FSIP1: variants seen among roughly 807,000 people sequenced by gnomAD.
FSIP1 encodes the protein fibrous sheath-interacting protein 1.
FSIP1 carries 65 observed loss-of-function variants against 60.9 expected under a neutral mutation model. That is an observed-to-expected ratio of 1.07 (90% confidence interval 0.87 to 1.31). FSIP1 has a LOEUF of 1.31. FSIP1 is among the 40% of genes most tolerant of loss of function. FSIP1 has a pLI of 0.00. For synonymous variants in FSIP1, 209 were observed against 221.2 expected (o/e 0.94, Z 0.49); for missense variants, 675 against 665.5 (o/e 1.01, Z -0.16).
At chr15:39,726,304 C>T (rs1459740782) in intron 9 of FSIP1, among the ~76,000 whole-genome samples, 6 of 152,100 alleles carry the variant, frequency 3.9e-5, no homozygotes, top group Non-Finnish European at 7.4e-5. Flanking sequence ...CTCGTGAGTG[C>T]CATATCCGCT....
intron 9 of FSIP1, among the ~76,000 whole-genome samples, chr15:39,715,474 T>C (rs535977212): frequency 4.6e-5 from 7 of 152,320 alleles, no homozygotes; most frequent in African/African-American, 1.7e-4. Flanking sequence ...CACTGGCCAA[T>C]AGACTGTAAT....
chr15:39,686,644 C>T (rs17635925), intron 10 of FSIP1, among the ~76,000 whole-genome samples: 2,131 of 152,352 alleles, frequency 0.014, 24 homozygotes, highest in South Asian at 0.033. Context: ...CAGCCTATGA[C>T]GGCAAGTGTC....
At chr15:39,780,438 T>G (rs528632311) in intron 1 of FSIP1, among the ~76,000 whole-genome samples, 97 of 152,166 alleles carry the variant, frequency 6.4e-4, no homozygotes, top group African/African-American at 2.3e-3. Context: ...GGCAGGAGAA[T>G]GGCCTGAACC....
intron 5 of FSIP1, among the ~76,000 whole-genome samples, chr15:39,754,017 A>C (rs1410793366): frequency 2.0e-5 from 3 of 152,126 alleles, no homozygotes; most frequent in Non-Finnish European, 4.4e-5. Context: ...TATAAGAGAC[A>C]CAAACCATGT....
chr15:39,781,909 A>G (rs1898277836), intron 1 of FSIP1, among the ~76,000 whole-genome samples: 1 of 152,276 alleles, frequency 6.6e-6, no homozygotes, highest in African/African-American at 2.4e-5. Flanking sequence ...ATAACTGTAT[A>G]CATTTGTCAA....
chr15:39,770,908 G>A (rs1482692989), intron 2 of FSIP1, among the ~76,000 whole-genome samples: 1 of 152,224 alleles, frequency 6.6e-6, no homozygotes, highest in Non-Finnish European at 1.5e-5. Flanking sequence ...AGACGGGCCT[G>A]CTCCTTGAGC....
rs535299638 is a variant in FSIP1 at position 39,698,088 on chromosome 15, G to A, written c.1188+15356C>T. On this transcript the variant is annotated intron_variant, in intron 10 of 11. Coordinates refer to ENST00000350221, the MANE Select transcript of FSIP1 (RefSeq NM_152597.5). The stretch of plus-strand genomic sequence containing the variant: ...CCTGTCAATAGTCACTAGCCACATG[G>A]GGCAATGGAGACCTTGAAAGGTGGC... Among the ~76,000 whole-genome samples the A allele has an allele frequency of 1.9e-3, 281 of 151,394 alleles. 1 individual carries two copies. Among genetic ancestry groups the A allele is most frequent in the South Asian group, 0.014 (65 of 4,792 alleles).
At chr15:39,744,777 T>TCACACACACACACACACACACACACA (rs55691651) in intron 5 of FSIP1, among the ~76,000 whole-genome samples, 10 of 137,964 alleles carry the variant, frequency 7.2e-5, no homozygotes, top group African/African-American at 2.2e-4. Context: ...TCCCCCTCAG[T>TCACACACACACACACACACACACACA]CACACACACA....
At chr15:39,745,479 GAA>G (rs2140655648) in intron 5 of FSIP1, among the ~76,000 whole-genome samples, 1 of 152,252 alleles carries the variant, frequency 6.6e-6, no homozygotes, top group African/African-American at 2.4e-5. Flanking sequence ...GTACATTTCA[GAA>G]AAATTAATAA....
At chr15:39,651,821 T>G (rs12911549) in intron 10 of FSIP1, among the ~76,000 whole-genome samples, 116,881 of 152,130 alleles carry the variant, frequency 0.77, 45,960 homozygotes, top group Non-Finnish European at 0.87. Context: ...GAAAAGCCCA[T>G]AAAATCGTGT....
chr15:39,647,911 G>A (rs533923565), intron 10 of FSIP1, among the ~76,000 whole-genome samples: 1 of 151,628 alleles, frequency 6.6e-6, no homozygotes, highest in African/African-American at 2.4e-5. Context: ...ATATCACTAC[G>A]CTTTGCCCTT....
chr15:39,621,216 G>A (rs1468894594), intron 10 of FSIP1, among the ~76,000 whole-genome samples: 3 of 152,140 alleles, frequency 2.0e-5, no homozygotes, highest in Non-Finnish European at 4.4e-5. Flanking sequence ...TTGACCAGAC[G>A]TGCTTACAGA....
intron 8 of FSIP1, among the ~76,000 whole-genome samples, chr15:39,728,901 A>T (rs1896300067): frequency 6.6e-6 from 1 of 152,214 alleles, no homozygotes; most frequent in African/African-American, 2.4e-5. Flanking sequence ...ACTTAAACAA[A>T]TTAATAAGCA....
intron 10 of FSIP1, among the ~76,000 whole-genome samples, chr15:39,698,380 T>C (rs1894910735): frequency 6.6e-6 from 1 of 152,120 alleles, no homozygotes; most frequent in Non-Finnish European, 1.5e-5. Flanking sequence ...GGAATGCTAG[T>C]TCATCATGTC....
At chr15:39,635,845 C>T (rs568653005) in intron 10 of FSIP1, among the ~76,000 whole-genome samples, 2 of 152,186 alleles carry the variant, frequency 1.3e-5, no homozygotes, top group African/African-American at 4.8e-5. Context: ...CCCCAGGATC[C>T]TAATATCCCT....
chr15:39,739,355 T>C (rs904376165), intron 7 of FSIP1, among the ~76,000 whole-genome samples: 2 of 152,164 alleles, frequency 1.3e-5, no homozygotes, highest in African/African-American at 2.4e-5. Flanking sequence ...CTGAGAAACA[T>C]TGTCCAAAGC....
At chr15:39,650,669 T>C (rs947983329) in intron 10 of FSIP1, among the ~76,000 whole-genome samples, 1 of 152,210 alleles carries the variant, frequency 6.6e-6, no homozygotes, top group Non-Finnish European at 1.5e-5. Context: ...AGCGTCCTCA[T>C]CTGAACAAGA....
At chr15:39,772,568 T>G (rs2140725795) in intron 2 of FSIP1, among the ~76,000 whole-genome samples, 1 of 151,944 alleles carries the variant, frequency 6.6e-6, no homozygotes, top group African/African-American at 2.4e-5. Context: ...GTGCTGAGAT[T>G]ACAGATGTGA....
intron 10 of FSIP1, among the ~76,000 whole-genome samples, chr15:39,670,842 T>G (rs534795927): frequency 3.9e-5 from 6 of 152,354 alleles, no homozygotes; most frequent in African/African-American, 1.2e-4. Flanking sequence ...TCGTAAGCAC[T>G]TACGCAACAT....
Sources: gnomAD v4.1 joint callset for allele counts (sites outside exome capture counted in the v4.1 genomes callset) on GRCh38, gnomAD v4.1.1 for gene constraint, MANE v1.5 for transcripts, NCBI Gene and HGNC (gene_info 2026-07-23, HGNC 2026-07-21) for gene names.